PDLIM5: variants seen among roughly 807,000 people sequenced by gnomAD.
The protein encoded by PDLIM5 is PDZ and LIM domain 5.
In PDLIM5, 34 loss-of-function variants were observed where a neutral mutation model predicts 64.2. That is an observed-to-expected ratio of 0.53 (90% CI 0.40 to 0.71). The LOEUF (loss-of-function observed/expected upper bound fraction) is 0.71. Among genes scored for constraint, PDLIM5 ranks in the 30% least tolerant of loss-of-function variants. PDLIM5 has a pLI of 0.00. For missense variants in PDLIM5, 683 were observed against 733.6 expected, an observed-to-expected ratio of 0.93 and a Z score of 0.80; for synonymous variants, 253 against 269.1, an observed-to-expected ratio of 0.94 and a Z score of 0.59.
At chr4:94,621,502 G>A (rs530347615) in intron 8 of PDLIM5, among the ~76,000 whole-genome samples, 10 of 152,164 alleles carry the variant, frequency 6.6e-5, no homozygotes, top group African/African-American at 9.7e-5. Flanking sequence ...AAAAAGCAAC[G>A]AAAAGACTAA....
chr4:94,591,006 A>G (rs1307659272), intron 7 of PDLIM5, among the ~76,000 whole-genome samples: 1 of 152,232 alleles, frequency 6.6e-6, no homozygotes, highest in Non-Finnish European at 1.5e-5. Context: ...CCTAGAAAAG[A>G]GAGGCATAAA....
chr4:94,524,441 A>G lies in PDLIM5; in HGVS notation c.248+566A>G, dbSNP rs573626917. 1.6e-4 allele frequency among the ~76,000 whole-genome samples: 24 copies of G among 151,874 alleles called. No individual in the cohort carries two copies. In the South Asian group the frequency reaches 2.9e-3, roughly 18 times the overall value. On this transcript the variant is annotated intron_variant, in intron 3 of 12. Coordinates refer to ENST00000317968, the MANE Select transcript of PDLIM5 (RefSeq NM_006457.5). ...ATTCAGGAATTCTTGAAATTTCTCA[A>G]TGGAGTGCAGGCTAAGAATTCTTTC...
intron 7 of PDLIM5, among the ~76,000 whole-genome samples, chr4:94,615,882 G>T (rs964644968): frequency 3.9e-5 from 6 of 152,094 alleles, no homozygotes; most frequent in Non-Finnish European, 8.8e-5. Context: ...GAGTGAATCT[G>T]CAGGTCAGAC....
At chr4:94,596,735 TATG>T (rs1399279539) in intron 7 of PDLIM5, among the ~76,000 whole-genome samples, 1 of 148,914 alleles carries the variant, frequency 6.7e-6, no homozygotes. Context: ...ATTAGAATGA[TATG>T]ATTTTATAAA....
chr4:94,583,297 A>T (rs1317830648), intron 5 of PDLIM5, among the ~76,000 whole-genome samples: 1 of 152,132 alleles, frequency 6.6e-6, no homozygotes, highest in East Asian at 1.9e-4. Context: ...CAAGTGTGTC[A>T]TAACTAAAAA....
chr4:94,640,124 C>G (rs945885126), intron 8 of PDLIM5, 152 bp from the exon 9 acceptor site: 44 of 427,436 alleles, frequency 1.0e-4, no homozygotes, highest in African/African-American at 8.6e-4. Context: ...TAGTCACAGC[C>G]TAGTGTTTGA....
intron 8 of PDLIM5, among the ~76,000 whole-genome samples, chr4:94,639,337 T>A (rs890325340): frequency 1.3e-5 from 2 of 152,154 alleles, no homozygotes; most frequent in Non-Finnish European, 2.9e-5. Context: ...AGGGAGATCC[T>A]TAAATGCTGT....
chr4:94,492,690 T>C lies in PDLIM5; in HGVS notation c.97-31034T>C, dbSNP rs116297179. On this transcript the variant is annotated intron_variant, in intron 2 of 12. Transcript: ENST00000317968. ...ATAATGTTTTTGTGGTTCATCTTTA[T>C]TACAGCATAATACCGGTTTCTTACT... is the stretch of plus-strand genomic sequence containing the variant. Among the ~76,000 whole-genome samples, 1,269 of 152,294 alleles carry C rather than the reference T, an allele frequency of 8.3e-3. 18 individuals are homozygous for C. Among genetic ancestry groups the C allele is most frequent in the African/African-American group, 0.029 (1,197 of 41,558 alleles).
At chr4:94,629,345 T>G (rs543767111) in intron 8 of PDLIM5, among the ~76,000 whole-genome samples, 25 of 151,780 alleles carry the variant, frequency 1.6e-4, no homozygotes, top group South Asian at 6.3e-4. Context: ...AAAAAAAAAA[T>G]AAAGAAAGAA....
rs566792607 is a variant in PDLIM5 at position 94,532,095 on chromosome 4, A to G, written c.248+8220A>G. Among the ~76,000 whole-genome samples the G allele has an allele frequency of 5.1e-4, 77 of 152,210 alleles. No individual in the cohort carries two copies. In the South Asian group the frequency reaches 5.6e-3, roughly 11 times the overall value. Reference sequence around the variant, plus strand: ...TGACTATATTTGCTAGTTCATTCCTATGCTTCTATGTATGCATTCTGTGAG... The same window carrying G: ...TGACTATATTTGCTAGTTCATTCCTGTGCTTCTATGTATGCATTCTGTGAG... On this transcript the variant is annotated intron_variant, in intron 3 of 12. Transcript: ENST00000317968.
intron 7 of PDLIM5, chr4:94,587,739 T>C (rs1736352947): frequency 2.0e-6 from 2 of 983,646 alleles, no homozygotes; most frequent in Non-Finnish European, 2.4e-6. Flanking sequence ...AGAAATACAG[T>C]ATTCTTTGGT....
intron 2 of PDLIM5, among the ~76,000 whole-genome samples, chr4:94,488,188 G>T (rs1458905150): frequency 6.6e-6 from 1 of 152,144 alleles, no homozygotes; most frequent in Non-Finnish European, 1.5e-5. Flanking sequence ...TCAACATTTA[G>T]ATTGATTTTA....
At position 94,488,341 on chromosome 4, in the gene PDLIM5, G is replaced by C. The variant is rs139179650; in HGVS notation, c.96+32957G>C. Among the ~76,000 whole-genome samples the C allele has an allele frequency of 5.2e-3, 792 of 152,210 alleles. 13 individuals carry two copies. The highest frequency in any genetic ancestry group is 0.017 in the African/African-American group (705 of 41,536). ...TATGACTTACAAAATTCATTTTCAAGTTTCCTAGCAATTTTTATTACTTCC... is the reference window on the plus strand; with the variant it reads ...TATGACTTACAAAATTCATTTTCAACTTTCCTAGCAATTTTTATTACTTCC... On this transcript the variant is annotated intron_variant, in intron 2 of 12. Coordinates refer to ENST00000317968, the MANE Select transcript of PDLIM5 (RefSeq NM_006457.5).
At chr4:94,660,131 C>T (rs1395542631) in intron 11 of PDLIM5, among the ~76,000 whole-genome samples, 1 of 151,294 alleles carries the variant, frequency 6.6e-6, no homozygotes, top group Non-Finnish European at 1.5e-5. Context: ...CTCCTGACCT[C>T]AAGTGATCCA....
intron 2 of PDLIM5, among the ~76,000 whole-genome samples, chr4:94,460,316 T>A (rs1004484682): frequency 6.6e-6 from 1 of 152,244 alleles, no homozygotes; most frequent in African/African-American, 2.4e-5. Flanking sequence ...TTATATTTTT[T>A]AATTGAAAAT....
chr4:94,527,099 C>T (rs534612066), intron 3 of PDLIM5, among the ~76,000 whole-genome samples: 18 of 128,166 alleles, frequency 1.4e-4, no homozygotes, highest in East Asian at 5.1e-4. Flanking sequence ...CACTGTCACC[C>T]GGGCTGAAGT....
At chr4:94,553,122 T>TATC (rs1224536453) in intron 3 of PDLIM5, among the ~76,000 whole-genome samples, 1 of 151,868 alleles carries the variant, frequency 6.6e-6, no homozygotes, top group Non-Finnish European at 1.5e-5. Flanking sequence ...TTATCAGTTT[T>TATC]ATTATTATTA....
In PDLIM5 at chr4:94,664,291, A is replaced by G. The variant is rs1001119234; in HGVS notation, c.*224A>G. ...TTACTTTTTCCTGTATTTTATGCCCATAAAATAAGCTTTATAAAAACCAAT... is the reference window on the plus strand; with the variant it reads ...TTACTTTTTCCTGTATTTTATGCCCGTAAAATAAGCTTTATAAAAACCAAT... On this transcript the variant is annotated 3_prime_UTR_variant, in exon 13 of 13. Coordinates refer to ENST00000317968, the MANE Select transcript of PDLIM5 (RefSeq NM_006457.5). The G allele has an allele frequency of 4.5e-5, 40 of 894,892 alleles. No homozygotes were observed. Among genetic ancestry groups the G allele is most frequent in the African/African-American group, 1.6e-4 (9 of 56,640 alleles). 55.4% of individuals were successfully genotyped at this position (894,892 alleles called of 1,614,324 possible). A position where few individuals can be genotyped will look rare whatever the true frequency, so the allele number is the denominator to read the frequency against.
In PDLIM5 at chr4:94,664,480, A is replaced by T; in HGVS notation, c.*413A>T. ...TGCCTTAAATTTTATCAATAACAGA[A>T]TTATTGTATTTAAAAAAAAACTAAT... is the stretch of plus-strand genomic sequence containing the variant. On this transcript the variant is annotated 3_prime_UTR_variant, in exon 13 of 13. Coordinates refer to ENST00000317968, the MANE Select transcript of PDLIM5 (RefSeq NM_006457.5). 1.1e-5 allele frequency: 8 copies of T among 711,540 alleles called. No individual in the cohort carries two copies. The highest frequency in any genetic ancestry group is 1.4e-5 in the Non-Finnish European group (8 of 584,786). 44.1% of individuals were successfully genotyped at this position (711,540 alleles called of 1,614,324 possible).
Sources: gnomAD v4.1 joint callset for allele counts (sites outside exome capture counted in the v4.1 genomes callset) on GRCh38, gnomAD v4.1.1 for gene constraint, MANE v1.5 for transcripts, NCBI Gene and HGNC (gene_info 2026-07-23, HGNC 2026-07-21) for gene names.